The following MYH2 variants were observed in gnomAD, a reference collection of about 807,000 sequenced individuals.
The protein encoded by MYH2 is myosin-2.
A neutral mutation model predicts 228.1 loss-of-function variants in MYH2; 139 were observed. The ratio of observed to expected loss-of-function variants is 0.61; its 90% CI spans 0.53 to 0.70. MYH2 has a LOEUF of 0.70. Among genes scored for constraint, MYH2 ranks in the 30% least tolerant of loss-of-function variants. The probability of loss-of-function intolerance (pLI) is 0.00; values close to 1 mark genes in which losing one functional copy is unlikely to be tolerated. For missense variants in MYH2, 1,809 were observed against 2,357.5 expected (o/e 0.77, Z 4.82); for synonymous variants, 796 against 871.1 (o/e 0.91, Z 1.52).
chr17:10,547,012 A>G (rs964615776), intron 4 of MYH2, among the ~76,000 whole-genome samples: 1 of 151,970 alleles, frequency 6.6e-6, no homozygotes, highest in African/African-American at 2.4e-5. Flanking sequence ...AATCGCTTGA[A>G]CCCACGAGGC....
Position 10,533,361 on chromosome 17 carries a change from G to T in MYH2, c.2365C>A (p.Gln789Lys). ...CTGGCCTGGGTTCGGGTAATCAGCT[G>T]GGCCAGCTTGTCATCTCGCATCTCC... is the stretch of plus-strand genomic sequence containing the variant. The part of the protein sequence containing the change: ...LEEMRDDKLA[Q>K]LITRTQARCR... The change falls in exon 21 of 40, where the codon CAG becomes AAG. Residue 789 changes from glutamine (Q) to lysine (K), a missense_variant. Physicochemically the swap from Gln to Lys is moderately conservative, Grantham distance 53. This residue lies in a region of MYH2 where 276 missense variants were observed against 344.2 expected (regional missense o/e 0.80). Coordinates refer to ENST00000245503, the MANE Select transcript of MYH2 (RefSeq NM_017534.6). 5 of 1,614,172 alleles carry T rather than the reference G, an allele frequency of 3.1e-6. No individual in the cohort carries two copies. Among genetic ancestry groups the T allele is most frequent in the Non-Finnish European group, 4.2e-6 (5 of 1,180,012 alleles).
rs746440872 is a variant in MYH2 at position 10,525,682 on chromosome 17, G to T, written c.4371+11C>A. 52 of 1,614,070 alleles carry T rather than the reference G, an allele frequency of 3.2e-5. 1 individual carries two copies. The South Asian group carries it at 5.4e-4, about 17-fold the overall frequency. The stretch of plus-strand genomic sequence containing the variant: ...AGTAGAGTAAAGAGCAGAAGATGCT[G>T]GAGGAATTACCTTATCGAAGTTCCT... On this transcript the variant is annotated intron_variant, in intron 31 of 39. Coordinates refer to ENST00000245503, the MANE Select transcript of MYH2 (RefSeq NM_017534.6). The surrounding 1 kb of genome is among the most constrained non-coding windows in gnomAD (Gnocchi z 4.2).
intron 19 of MYH2, among the ~76,000 whole-genome samples, chr17:10,534,405 C>T (rs1310376556): frequency 6.6e-6 from 1 of 152,182 alleles, no homozygotes; most frequent in Non-Finnish European, 1.5e-5. Context: ...TTTCCCTGAG[C>T]CTCAGCTTAT....
At chr17:10,541,335 T>C (rs1039855186) in intron 10 of MYH2, among the ~76,000 whole-genome samples, 3 of 152,194 alleles carry the variant, frequency 2.0e-5, no homozygotes, top group Non-Finnish European at 4.4e-5. Flanking sequence ...GGGAGGTCTC[T>C]AAAATGGCTG....
chr17:10,533,482 C>G lies in MYH2; in HGVS notation c.2304+27G>C. The G allele has an allele frequency of 2.5e-6, 4 of 1,614,174 alleles. No homozygotes were observed. In the Middle Eastern group the frequency reaches 6.6e-4, roughly 266 times the overall value. On this transcript the variant is annotated intron_variant, in intron 20 of 39. Coordinates refer to ENST00000245503, the MANE Select transcript of MYH2 (RefSeq NM_017534.6). The stretch of plus-strand genomic sequence containing the variant: ...ATAAAGTTCAAAGGGACAGGAATAG[C>G]ATCAGGTAGGATTTACAGAAAATTA...
Position 10,547,887 on chromosome 17 carries a change from C to T in MYH2, c.34G>A (p.Glu12Lys). The change falls in exon 3 of 40, where the codon GAG becomes AAG. Residue 12 changes from glutamate (E) to lysine (K), a missense_variant. Glu to Lys is a moderately conservative substitution (Grantham distance 56). This residue lies in a region of MYH2 where 84 missense variants were observed against 81.8 expected (regional missense o/e 1.03). Coordinates refer to ENST00000245503, the MANE Select transcript of MYH2 (RefSeq NM_017534.6). ...SSDSELAVFGEAAPFLRKSER... is the reference protein window; with the variant it reads ...SSDSELAVFGKAAPFLRKSER... ...GACTTTCGGAGGAAAGGAGCAGCCTCCCCAAAAACAGCCAATTCTGAGTCT... is the reference window on the plus strand; with the variant it reads ...GACTTTCGGAGGAAAGGAGCAGCCTTCCCAAAAACAGCCAATTCTGAGTCT... 1.9e-6 allele frequency: 3 copies of T among 1,614,166 alleles called. No homozygotes were observed. The highest frequency in any genetic ancestry group is 2.5e-6 in the Non-Finnish European group (3 of 1,180,026).
intron 17 of MYH2, 49 bp from the exon 18 acceptor site, chr17:10,535,414 T>A: frequency 6.9e-7 from 1 of 1,458,832 alleles, no homozygotes; most frequent in Non-Finnish European, 9.6e-7. Flanking sequence ...GACATGGATA[T>A]GAGCAGTCAT....
chr17:10,522,439 AT>A (rs1436325882), intron 39 of MYH2, among the ~76,000 whole-genome samples: 4 of 152,036 alleles, frequency 2.6e-5, no homozygotes, highest in Admixed American at 2.6e-4. Flanking sequence ...CATTTATTTT[AT>A]TAATTCCCCA....
At chr17:10,527,184 A>C in intron 28 of MYH2, 128 bp from the exon 29 acceptor site, 1 of 806,152 alleles carries the variant, frequency 1.2e-6, no homozygotes, top group South Asian at 1.5e-5. Flanking sequence ...CTATACTGAC[A>C]TCTTCATGCT....
Position 10,524,472 on chromosome 17 carries a change from G to A in MYH2, c.5169C>T (p.His1723=). The change falls in exon 35 of 40, where the codon CAC becomes CAT. Residue 1723 remains histidine, a synonymous_variant. Transcript: ENST00000245503. The surrounding 1 kb of genome is among the most constrained non-coding windows in gnomAD (Gnocchi z 4.7). ...TCTTTGTGCTGAATCCCACCTGGGTGTGCAGTAGCTGAACACGCTCACTGG... is the reference window on the plus strand; with the variant it reads ...TCTTTGTGCTGAATCCCACCTGGGTATGCAGTAGCTGAACACGCTCACTGG... ...LDASERVQLL[H]TQNTSLINTK... is the part of the protein sequence containing the mutation. 14 of 1,614,164 alleles carry A rather than the reference G, an allele frequency of 8.7e-6. No homozygotes were observed. Among genetic ancestry groups the A allele is most frequent in the Non-Finnish European group, 1.2e-5 (14 of 1,179,996 alleles).
rs1413745380 is a variant in MYH2 at position 10,526,728 on chromosome 17, T to A, written c.4058A>T (p.Tyr1353Phe). 6.2e-7 allele frequency: 1 copy of A among 1,614,104 alleles called. No homozygotes were observed. The change falls in exon 30 of 40, where the codon TAT (tyrosine) becomes TTT (phenylalanine). Residue 1353 changes from tyrosine (Y) to phenylalanine (F), a missense_variant. Physicochemically the swap from Tyr to Phe is conservative, Grantham distance 22. Coordinates refer to ENST00000245503, the MANE Select transcript of MYH2 (RefSeq NM_017534.6). The part of the protein sequence containing the change: ...RHDCDLLREQ[Y>F]EEEQESKAEL... ...GGCCTTGGATTCCTGCTCCTCCTCA[T>A]ACTGTTCCCGCAGCAGGTCACAGTC...
Position 10,529,146 on chromosome 17 carries a change from A to G in MYH2, c.3354+16T>C. 2.5e-6 allele frequency: 4 copies of G among 1,614,216 alleles called. No individual in the cohort carries two copies. The highest frequency in any genetic ancestry group is 3.4e-6 in the Non-Finnish European group (4 of 1,180,036). ...TAACTGCCTCCGAGCCAGACTGATG[A>G]AAATCATGTACTTACTTGCAATTCT... On this transcript the variant is annotated intron_variant, in intron 26 of 39. Coordinates refer to ENST00000245503, the MANE Select transcript of MYH2 (RefSeq NM_017534.6).
chr17:10,533,747 C>CTCCTTGTGA, intron 19 of MYH2, 115 bp from the exon 20 acceptor site: 1 of 1,375,330 alleles, frequency 7.3e-7, no homozygotes, highest in Non-Finnish European at 1.0e-6. Context: ...ATTCTTTGTT[C>CTCCTTGTGA]ACAAGGAGAA....
At chr17:10,532,017 C>G in intron 21 of MYH2, 129 bp from the exon 22 acceptor site, 1 of 1,086,974 alleles carries the variant, frequency 9.2e-7, no homozygotes, top group East Asian at 2.5e-5. Flanking sequence ...TGAAAAAATT[C>G]TATTTCGGGA....
chr17:10,528,160 C>T (rs1188239820), intron 27 of MYH2, among the ~76,000 whole-genome samples: 1 of 151,316 alleles, frequency 6.6e-6, no homozygotes, highest in Non-Finnish European at 1.5e-5. Flanking sequence ...TCTCCTGCCT[C>T]AGCCTCCTGA....
rs1567731278 is a variant in MYH2, at chr17:10,531,721, G to A, written c.2609C>T (p.Ala870Val). ...TTCCTTCCTTTTTGCCTCTGACTTG[G>A]CAAGTTCGTCTTTAATTTTCTGAAA... is the stretch of plus-strand genomic sequence containing the variant. ...EEFQKIKDEL[A>V]KSEAKRKELE... The change falls in exon 22 of 40, where the codon GCC (alanine) becomes GTC (valine). Residue 870 changes from alanine to valine, a missense_variant. By Grantham distance (64) the Ala-to-Val change is moderately conservative. Around this residue, in one of 9 missense-constraint regions of MYH2, gnomAD observed 276 missense variants for 344.2 expected, o/e 0.80. Transcript: ENST00000245503. 5 of 1,614,080 alleles carry A rather than the reference G, an allele frequency of 3.1e-6. No homozygotes were observed. Among genetic ancestry groups the A allele is most frequent in the Non-Finnish European group, 4.2e-6 (5 of 1,180,016 alleles).
At chr17:10,546,255 T>TTATATATATATATATATATATATATATA (rs1376514619) in intron 4 of MYH2, among the ~76,000 whole-genome samples, 2 of 27,158 alleles carry the variant, frequency 7.4e-5, no homozygotes, top group Admixed American at 5.2e-4. Flanking sequence ...GGACACGAAA[T>TTATATATATATATATATATATATATATA]GATATATATA....
In MYH2 at chr17:10,540,590, T is replaced by C. The variant is rs755293552; in HGVS notation, c.1008+4A>G. The C allele has an allele frequency of 2.5e-6, 4 of 1,598,904 alleles. No individual in the cohort carries two copies. Among genetic ancestry groups the C allele is most frequent in the Admixed American group, 1.7e-5 (1 of 59,994 alleles). Reference sequence around the variant, plus strand: ...TAATTCCAATTTTCTTGTGTTCTACTTACATCTGTGGCCATCAGTTCTTCC... The same window carrying C: ...TAATTCCAATTTTCTTGTGTTCTACCTACATCTGTGGCCATCAGTTCTTCC... On this transcript the variant is annotated splice_donor_region_variant and intron_variant, in intron 11 of 39. Transcript: ENST00000245503.
At position 10,523,476 on chromosome 17, in the gene MYH2, A is replaced by G; in HGVS notation, c.5472+20T>C. 6.2e-7 allele frequency: 1 copy of G among 1,614,214 alleles called. No individual in the cohort carries two copies. Among genetic ancestry groups the G allele is most frequent in the Non-Finnish European group, 8.5e-7 (1 of 1,180,034 alleles). On this transcript the variant is annotated intron_variant, in intron 37 of 39. Transcript: ENST00000245503. ...AGGCACTGAAAGCAGATGGAAATAG[A>G]CAGATATTGGGAGACCCACCCTGGC... is the stretch of plus-strand genomic sequence containing the variant.
Sources: allele counts gnomAD v4.1 joint callset (sites outside exome capture counted in the v4.1 genomes callset), GRCh38; gene constraint gnomAD v4.1.1; regional missense constraint gnomAD v4.1.1; non-coding constraint Gnocchi (gnomAD v3.1); transcripts MANE v1.5; gene names NCBI Gene and HGNC (gene_info 2026-07-23, HGNC 2026-07-21).